The following INPP5E variants were observed in gnomAD, a reference collection of about 807,000 sequenced individuals.
The protein encoded by INPP5E is inositol polyphosphate-5-phosphatase E.
INPP5E carries 34 observed loss-of-function variants against 50.5 expected under a neutral mutation model. The ratio of observed to expected loss-of-function variants is 0.67; its 90% CI spans 0.51 to 0.90. The LOEUF is 0.90. Among genes scored for constraint, INPP5E ranks in the 40% least tolerant of loss-of-function variants. The probability of loss-of-function intolerance (pLI) is 0.00; values close to 1 mark genes in which losing one functional copy is unlikely to be tolerated. For missense variants in INPP5E, 942 were observed against 905.5 expected (o/e 1.04, Z -0.52); for synonymous variants, 447 against 406.0 (o/e 1.10, Z -1.21).
intron 1 of INPP5E, 141 bp downstream of exon 1, chr9:136,438,467 G>A (rs936850077): frequency 5.3e-6 from 4 of 756,522 alleles, no homozygotes; most frequent in Non-Finnish European, 9.0e-6. Flanking sequence ...CTGGGAGATG[G>A]GGTGGCTGCG....
Position 136,434,143 on chromosome 9 carries a change from AG to A in INPP5E, c.937-10del, listed in dbSNP as rs2131610537. The A allele has an allele frequency of 6.3e-7, 1 of 1,597,956 alleles. No individual in the cohort carries two copies. The highest frequency in any genetic ancestry group is 8.5e-7 in the Non-Finnish European group (1 of 1,173,466). On this transcript the variant is annotated splice_polypyrimidine_tract_variant and intron_variant, in intron 2 of 9. Transcript: ENST00000371712. ...AGGCTGGGCGGGAGCTCCTGGAAGG[AG>A]GGAGCATGTGGTGGGCCGGCTCCTC...
In INPP5E at chr9:136,433,237, G is replaced by C. The variant is rs1275048619; in HGVS notation, c.1077C>G (p.His359Gln). The part of the protein sequence containing the change: ...ETRLQETLGP[H>Q]YVLLSSAAHG... ...GGGCCGCCGAGGACAGCAGCACATA[G>C]TGCGGGCCCAGCGTCTCCTGCAGAC... The change falls in exon 4 of 10, where the codon CAC becomes CAG. Residue 359 changes from histidine (H) to glutamine (Q), a missense_variant. Coordinates refer to ENST00000371712, the MANE Select transcript of INPP5E (RefSeq NM_019892.6). 1.3e-6 allele frequency: 2 copies of C among 1,591,830 alleles called. No homozygotes were observed. Among genetic ancestry groups the C allele is most frequent in the Non-Finnish European group, 1.7e-6 (2 of 1,174,990 alleles).
rs930286679 is a variant in INPP5E at position 136,433,057 on chromosome 9, A to G, written c.1178T>C (p.Val393Ala). Residue 393 changes from valine (V) to alanine (A), a missense_variant, in exon 5 of 10, where the codon GTG becomes GCG. By Grantham distance (64) the Val-to-Ala change is moderately conservative. Transcript: ENST00000371712. ...GATCTGAGACACGATGCGTGTGGTC[A>G]CCGTGGAGCACTCCACCTCTGTGGG... ...WFCSEVECST[V>A]TTRIVSQIKT... 5.0e-6 allele frequency: 8 copies of G among 1,612,304 alleles called. No homozygotes were observed. In the African/African-American group the frequency reaches 1.1e-4, roughly 22 times the overall value.
Position 136,439,682 on chromosome 9 carries a change from T to G in INPP5E, c.-263A>C. The stretch of plus-strand genomic sequence containing the variant: ...GGGGGAACAGGCGGCTGGGCGCCTG[T>G]CGCGGGGGAGGTTCGACCCCGACGG... On this transcript the variant is annotated 5_prime_UTR_variant, in exon 1 of 10. Transcript: ENST00000371712. 3.1e-6 allele frequency: 1 copy of G among 318,378 alleles called. No homozygotes were observed. Among genetic ancestry groups the G allele is most frequent in the Non-Finnish European group, 5.7e-6 (1 of 175,222 alleles). 19.7% of individuals were successfully genotyped at this position (318,378 alleles called of 1,614,324 possible).
chr9:136,430,969 G>A (rs1232353753), intron 8 of INPP5E, 33 bp downstream of exon 8: 4 of 1,438,688 alleles, frequency 2.8e-6, no homozygotes, highest in African/African-American at 2.8e-5. Context: ...TGCCCTGGAA[G>A]CACTCTGCAC....
chr9:136,438,500 G>T (rs183793005), intron 1 of INPP5E, 108 bp downstream of exon 1: 3 of 1,000,150 alleles, frequency 3.0e-6, no homozygotes, highest in Admixed American at 2.0e-5. Flanking sequence ...CGTTCTTTCC[G>T]GTTAGGCATC....
intron 8 of INPP5E, 126 bp downstream of exon 8, chr9:136,430,876 G>T (rs896826221): frequency 1.4e-6 from 1 of 727,120 alleles, no homozygotes; most frequent in Admixed American, 2.0e-5. Context: ...ACAAGGCCAA[G>T]GTGCAGAGCT....
chr9:136,437,137 G>A (rs1019169948), intron 1 of INPP5E: 4 of 152,272 alleles, frequency 2.6e-5, no homozygotes, highest in Non-Finnish European at 5.9e-5. Context: ...GACAGGAGGA[G>A]AGTATGGTGG....
At position 136,438,681 on chromosome 9, in the gene INPP5E, C is replaced by T. The variant is rs749897420; in HGVS notation, c.739G>A (p.Asp247Asn). The change falls in exon 1 of 10, where the codon GAC (aspartate) becomes AAC (asparagine). Residue 247 changes from aspartate to asparagine, a missense_variant. Coordinates refer to ENST00000371712, the MANE Select transcript of INPP5E (RefSeq NM_019892.6). ...GRPRSPLACD[D>N]CSLRSAKSSF... ...GATTTGGCCGAGCGAAGGGAACAGTCGTCGCAGGCCAGGGGGCTCCGCGGC... is the reference window on the plus strand; with the variant it reads ...GATTTGGCCGAGCGAAGGGAACAGTTGTCGCAGGCCAGGGGGCTCCGCGGC... 6 of 1,596,238 alleles carry T rather than the reference C, an allele frequency of 3.8e-6. No individual in the cohort carries two copies. The highest frequency in any genetic ancestry group is 4.3e-6 in the Non-Finnish European group (5 of 1,171,884).
chr9:136,435,005 G>A (rs964708656), intron 1 of INPP5E, 142 bp from the exon 2 acceptor site: 11 of 1,021,754 alleles, frequency 1.1e-5, no homozygotes, highest in East Asian at 5.2e-5. Context: ...CCTGGCCCCC[G>A]CGGCACTGCT....
At chr9:136,432,319 G>A (rs1835726635) in intron 6 of INPP5E, among the ~76,000 whole-genome samples, 160 bp downstream of exon 6, 1 of 152,226 alleles carries the variant, frequency 6.6e-6, no homozygotes, top group African/African-American at 2.4e-5. Context: ...CACTAACCGT[G>A]CTAAAGAACC....
rs1164345207 is a variant in INPP5E, at chr9:136,439,107, C to A, written c.313G>T (p.Ala105Ser). The A allele has an allele frequency of 1.9e-6, 3 of 1,582,158 alleles. No homozygotes were observed. Among genetic ancestry groups the A allele is most frequent in the South Asian group, 1.1e-5 (1 of 87,164 alleles). The change falls in exon 1 of 10, where the codon GCC (alanine) becomes TCC (serine). Residue 105 changes from alanine to serine, a missense_variant. Ala to Ser is a moderately conservative substitution (Grantham distance 99). Transcript: ENST00000371712. ...CTGGAGGGACTGGTCCCATTCCGGG[C>A]TTCCAGGTCCTCCTGGCTGCCTCGA... Reference protein sequence around the residue: ...RFRGSQEDLEARNGTSPSRGS... With the variant: ...RFRGSQEDLESRNGTSPSRGS...
intron 1 of INPP5E, chr9:136,438,243 C>A (rs113966628): frequency 2.1e-5 from 7 of 328,470 alleles, no homozygotes; most frequent in Admixed American, 4.3e-5. Context: ...CCGCTGCACT[C>A]CAGCCTGGGC....
At chr9:136,437,901 TTCCAGCAACAGC>T (rs1362736904) in intron 1 of INPP5E, 1 of 153,874 alleles carries the variant, frequency 6.5e-6, no homozygotes, top group African/African-American at 2.4e-5. Context: ...CTGCAGTTCC[TTCCAGCAACAGC>T]TGGAGCCCAC....
chr9:136,432,857 T>C, intron 5 of INPP5E, 99 bp downstream of exon 5: 1 of 1,469,688 alleles, frequency 6.8e-7, no homozygotes, highest in Non-Finnish European at 9.3e-7. Context: ...GGGTGGAAGA[T>C]GAAGCCAGCG....
At position 136,439,663 on chromosome 9, in the gene INPP5E, A is replaced by C; in HGVS notation, c.-244T>G. 3 of 326,972 alleles carry C rather than the reference A, an allele frequency of 9.2e-6. No individual in the cohort carries two copies. The highest frequency in any genetic ancestry group is 9.4e-5 in the East Asian group (2 of 21,282). 20.3% of individuals were successfully genotyped at this position (326,972 alleles called of 1,614,324 possible). ...CGGTCCGCAGGCAAGGCCTGGGGGAACAGGCGGCTGGGCGCCTGTCGCGGG... is the reference window on the plus strand; with the variant it reads ...CGGTCCGCAGGCAAGGCCTGGGGGACCAGGCGGCTGGGCGCCTGTCGCGGG... On this transcript the variant is annotated 5_prime_UTR_variant, in exon 1 of 10. Transcript: ENST00000371712.
At chr9:136,438,505 G>C in intron 1 of INPP5E, 103 bp downstream of exon 1, 1 of 1,028,608 alleles carries the variant, frequency 9.7e-7, no homozygotes, top group Non-Finnish European at 1.5e-6. Flanking sequence ...TTTCCGGTTA[G>C]GCATCTTAAA....
rs377154166 is a variant in INPP5E, at chr9:136,439,300, G to A, written c.120C>T (p.Pro40=). The change falls in exon 1 of 10, where the codon CCC becomes CCT. Residue 40 remains proline, a synonymous_variant. Transcript: ENST00000371712. ...CGGGGCTCTCGGAGCCCGGAGCATC[G>A]GGTGGGGACCCCGCGCGCTGGGCCG... ...APPAQRAGSP[P]DAPGSESPAL... 2.0e-4 allele frequency: 284 copies of A among 1,410,570 alleles called. 1 individual carries two copies. In the African/African-American group the frequency reaches 4.0e-3, roughly 20 times the overall value. 87.4% of individuals were successfully genotyped at this position (1,410,570 alleles called of 1,614,324 possible).
chr9:136,431,238 C>T, intron 7 of INPP5E, 121 bp from the exon 8 acceptor site: 2 of 538,320 alleles, frequency 3.7e-6, no homozygotes, highest in South Asian at 1.6e-5. Flanking sequence ...CGCAGGCCCT[C>T]ACCTTTCCTC....
Sources: allele counts gnomAD v4.1 joint callset (sites outside exome capture counted in the v4.1 genomes callset), GRCh38; gene constraint gnomAD v4.1.1; transcripts MANE v1.5; gene names NCBI Gene and HGNC (gene_info 2026-07-23, HGNC 2026-07-21).